ADCY7: variants seen among roughly 807,000 people sequenced by gnomAD.
ADCY7 encodes the protein adenylate cyclase type 7.
In ADCY7, 72 loss-of-function variants were observed where a neutral mutation model predicts 120.6. The ratio of observed to expected loss-of-function variants is 0.60; its 90% CI spans 0.49 to 0.73. The LOEUF is 0.73. Among genes scored for constraint, ADCY7 ranks in the 30% least tolerant of loss-of-function variants. The pLI is 0.00. For synonymous variants in ADCY7, 661 were observed against 628.0 expected (o/e 1.05, Z -0.78); for missense variants, 1,227 against 1,486.0 (o/e 0.83, Z 2.87).
rs777973636 is a variant in ADCY7, at chr16:50,314,310, G to A, written c.2875G>A (p.Ala959Thr). Residue 959 changes from alanine (A) to threonine (T), a missense_variant, in exon 24 of 26, where the codon GCC becomes ACC. This residue lies in a region of ADCY7 where 244 missense variants were observed against 332.8 expected (regional missense o/e 0.73). Coordinates refer to ENST00000673801, the MANE Select transcript of ADCY7 (RefSeq NM_001114.5). ...HENQELERQH[A>T]HIGVMVEFSI... Reference sequence around the variant, plus strand: ...CCCGCAGGAGCTGGAGCGGCAGCATGCCCACATTGGTGTCATGGTGGAGTT... The same window carrying A: ...CCCGCAGGAGCTGGAGCGGCAGCATACCCACATTGGTGTCATGGTGGAGTT... 4 of 1,614,096 alleles carry A rather than the reference G, an allele frequency of 2.5e-6. No homozygotes were observed. In the East Asian group the frequency reaches 8.9e-5, roughly 36 times the overall value.
intron 1 of ADCY7, among the ~76,000 whole-genome samples, chr16:50,284,356 T>C (rs2034456085): frequency 6.6e-6 from 1 of 152,238 alleles, no homozygotes; most frequent in South Asian, 2.1e-4. Flanking sequence ...AATGAGTTCC[T>C]TGAGAGGCGT....
chr16:50,245,534 C>T (rs2032553052), upstream of ADCY7, among the ~76,000 whole-genome samples: 1 of 152,144 alleles, frequency 6.6e-6, no homozygotes, highest in African/African-American at 2.4e-5. Context: ...CACTGGGGCC[C>T]CACCCTGGGT....
chr16:50,276,605 T>C (rs554878434), intron 1 of ADCY7, among the ~76,000 whole-genome samples: 6 of 152,228 alleles, frequency 3.9e-5, no homozygotes, highest in Non-Finnish European at 8.8e-5. Flanking sequence ...ATTTAATTTA[T>C]GAATGAGTGA....
At chr16:50,250,869 A>T (rs181709933) in intron 1 of ADCY7, among the ~76,000 whole-genome samples, 1 of 152,220 alleles carries the variant, frequency 6.6e-6, no homozygotes, top group Non-Finnish European at 1.5e-5. Flanking sequence ...AATCTGGATT[A>T]AAAAGTATAG....
intron 1 of ADCY7, among the ~76,000 whole-genome samples, chr16:50,261,214 A>G (rs2150800779): frequency 6.6e-6 from 1 of 152,310 alleles, no homozygotes; most frequent in Non-Finnish European, 1.5e-5. Context: ...AGTGGACATG[A>G]CATCCTCTGT....
At chr16:50,308,525 G>C (rs1192966157) in intron 16 of ADCY7, 114 bp downstream of exon 16, 1 of 1,564,820 alleles carries the variant, frequency 6.4e-7, no homozygotes, top group Admixed American at 1.8e-5. Flanking sequence ...TCAAGGTTGG[G>C]TGCCCATCTC....
At position 50,312,074 on chromosome 16, in the gene ADCY7, G is replaced by A; in HGVS notation, c.2487G>A (p.Lys829=). The change falls in exon 21 of 26, where the codon AAG becomes AAA. Residue 829 remains lysine (K), a synonymous_variant. Coordinates refer to ENST00000673801, the MANE Select transcript of ADCY7 (RefSeq NM_001114.5). The stretch of plus-strand genomic sequence containing the variant: ...GCCGCTTGGACTGCCTATGGAAGAA[G>A]AAGTTCAAGAAGGAGCACGAGGAGT... ...YYCRLDCLWK[K]KFKKEHEEFE... 1 of 1,614,244 alleles carries A rather than the reference G, an allele frequency of 6.2e-7. No individual in the cohort carries two copies. The highest frequency in any genetic ancestry group is 1.1e-5 in the South Asian group (1 of 91,090).
In ADCY7 at chr16:50,311,716, A is replaced by G; in HGVS notation, c.2378A>G (p.Lys793Arg). 1 of 1,612,662 alleles carries G rather than the reference A, an allele frequency of 6.2e-7. No homozygotes were observed. Among genetic ancestry groups the G allele is most frequent in the African/African-American group, 1.3e-5 (1 of 74,742 alleles). Residue 793 changes from lysine (K) to arginine (R), a missense_variant, in exon 20 of 26, where the codon AAG becomes AGG. Transcript: ENST00000673801. The stretch of plus-strand genomic sequence containing the variant: ...AGTGGCACCCCTAGCTGTTCCTGGA[A>G]GGACCTGAAGACCATGACCAATTTC... The part of the protein sequence containing the change: ...TTSGTPSCSW[K>R]DLKTMTNFYL...
rs767614273 is a variant in ADCY7 at position 50,312,188 on chromosome 16, C to T, written c.2601C>T (p.Asn867=). 4.2e-5 allele frequency: 67 copies of T among 1,612,290 alleles called. No individual in the cohort carries two copies. The highest frequency in any genetic ancestry group is 2.3e-4 in the South Asian group (21 of 90,996). ...CCCACTTTATCGGTGACAAGTTAAA[C>T]GAGGTGTGCTGAGAAGGGGCTGGGG... ...VAAHFIGDKL[N]EDWYHQSYDC... is the part of the protein sequence containing the mutation. Residue 867 remains asparagine, a synonymous_variant, in exon 21 of 26, where the codon AAC becomes AAT. Transcript: ENST00000673801.
chr16:50,291,750 G>A lies in ADCY7; in HGVS notation c.390G>A (p.Leu130=). ...ACAWEQVPFF[L]FIVFVVYTLL... is the part of the protein sequence containing the mutation. ...TGCATCCACAGGTGCCCTTCTTCCT[G>A]TTCATTGTCTTCGTGGTGTACACAC... The change falls in exon 4 of 26, where the codon CTG becomes CTA. Residue 130 remains leucine (L), a synonymous_variant. Transcript: ENST00000673801. 6 of 1,614,126 alleles carry A rather than the reference G, an allele frequency of 3.7e-6. No individual in the cohort carries two copies. Among genetic ancestry groups the A allele is most frequent in the Non-Finnish European group, 4.2e-6 (5 of 1,180,006 alleles).
intron 10 of ADCY7, among the ~76,000 whole-genome samples, chr16:50,303,508 A>C (rs2035867916): frequency 6.6e-6 from 1 of 152,082 alleles, no homozygotes; most frequent in Non-Finnish European, 1.5e-5. Flanking sequence ...GCTTAAGCTC[A>C]TCTCTGGTGG....
intron 22 of ADCY7, chr16:50,313,475 T>C: frequency 5.3e-6 from 1 of 188,660 alleles, no homozygotes; most frequent in African/African-American, 2.4e-5. Context: ...GGAACATACA[T>C]TACACAGAAT....
At chr16:50,312,249 G>A (rs190447997) in intron 21 of ADCY7, 58 bp downstream of exon 21, 50 of 1,586,592 alleles carry the variant, frequency 3.2e-5, no homozygotes, top group African/African-American at 2.5e-4. Context: ...GGCGCAGTCC[G>A]TAGGGTGAAG....
At chr16:50,275,957 C>T (rs2033862540) in intron 1 of ADCY7, among the ~76,000 whole-genome samples, 1 of 152,226 alleles carries the variant, frequency 6.6e-6, no homozygotes, top group Non-Finnish European at 1.5e-5. Flanking sequence ...GACAGCCAGC[C>T]AGGTGGTTTT....
At chr16:50,276,724 G>T (rs558659999) in intron 1 of ADCY7, among the ~76,000 whole-genome samples, 3 of 152,034 alleles carry the variant, frequency 2.0e-5, no homozygotes, top group African/African-American at 7.2e-5. Flanking sequence ...TCCCAAGTTT[G>T]CTGGCTCTAC....
intron 1 of ADCY7, among the ~76,000 whole-genome samples, chr16:50,287,480 G>A (rs1292925005): frequency 1.3e-5 from 2 of 151,728 alleles, no homozygotes; most frequent in Non-Finnish European, 1.5e-5. Context: ...TTGAGCCCAC[G>A]AGTTCAAAAC....
chr16:50,249,028 G>A (rs114132637), intron 1 of ADCY7, among the ~76,000 whole-genome samples: 1 of 152,158 alleles, frequency 6.6e-6, no homozygotes, highest in Non-Finnish European at 1.5e-5. Context: ...TGGCCCCCTT[G>A]AGTGCTTTCT....
chr16:50,282,223 C>G (rs1442701368), intron 1 of ADCY7, among the ~76,000 whole-genome samples: 1 of 152,222 alleles, frequency 6.6e-6, no homozygotes, highest in Non-Finnish European at 1.5e-5. Flanking sequence ...TCTGTGAAAG[C>G]TGGGGGTTTC....
intron 1 of ADCY7, among the ~76,000 whole-genome samples, chr16:50,272,728 G>C (rs2033652095): frequency 6.6e-6 from 1 of 152,150 alleles, no homozygotes; most frequent in Non-Finnish European, 1.5e-5. Flanking sequence ...CTCCTTGCTG[G>C]AGCAGGGGTC....
Sources: allele counts gnomAD v4.1 joint callset (sites outside exome capture counted in the v4.1 genomes callset), GRCh38; gene constraint gnomAD v4.1.1; regional missense constraint gnomAD v4.1.1; transcripts MANE v1.5; gene names NCBI Gene and HGNC (gene_info 2026-07-23, HGNC 2026-07-21).